Variants in RAD54L2 observed in about 807,000 individuals in gnomAD.
RAD54L2 encodes RAD54 like 2.
A neutral mutation model predicts 138.4 loss-of-function variants in RAD54L2; 27 were observed. The ratio of observed to expected loss-of-function variants is 0.20; its 90% CI spans 0.14 to 0.27. The LOEUF is 0.27. Ranked by LOEUF, RAD54L2 falls within the 10% of genes least tolerant of loss-of-function variation. RAD54L2 has a pLI of 1.00. For synonymous variants in RAD54L2, 644 were observed against 723.2 expected (o/e 0.89, Z 1.76); for missense variants, 1,396 against 1,890.2 (o/e 0.74, Z 4.85).
intron 2 of RAD54L2, among the ~76,000 whole-genome samples, chr3:51,556,584 CT>C (rs11421076): frequency 2.3e-4 from 34 of 149,926 alleles, no homozygotes; most frequent in Middle Eastern, 3.4e-3. Context: ...ATCTATCTCT[CT>C]TTTTTTTTGA....
chr3:51,573,519 C>T (rs1184804627), intron 2 of RAD54L2, among the ~76,000 whole-genome samples: 2 of 152,042 alleles, frequency 1.3e-5, no homozygotes, highest in African/African-American at 2.4e-5. Context: ...TCACTGCAAC[C>T]TCCACCTCCT....
intron 2 of RAD54L2, among the ~76,000 whole-genome samples, chr3:51,546,244 C>T (rs995465506): frequency 6.6e-6 from 1 of 151,518 alleles, no homozygotes; most frequent in East Asian, 1.9e-4. Context: ...TGGCCAAATG[C>T]AATTATTCTT....
intron 3 of RAD54L2, among the ~76,000 whole-genome samples, chr3:51,613,954 G>C (rs1700389437): frequency 6.6e-6 from 1 of 152,112 alleles, no homozygotes; most frequent in Non-Finnish European, 1.5e-5. Context: ...GGAATCGAGT[G>C]GATAGAGGTC....
In RAD54L2 at chr3:51,641,814, C is replaced by T. The variant is rs780709945; in HGVS notation, c.2297C>T (p.Pro766Leu). ...FLGKREVPCP[P>L]GTEGQGAQKW... ...GGAAAACGAGAAGTACCCTGTCCACCTGGTACCGAGGGGCAAGGAGCACAG... is the reference window on the plus strand; with the variant it reads ...GGAAAACGAGAAGTACCCTGTCCACTTGGTACCGAGGGGCAAGGAGCACAG... Residue 766 changes from proline (P) to leucine (L), a missense_variant, in exon 15 of 23, where the codon CCT becomes CTT. By Grantham distance (98) the Pro-to-Leu change is moderately conservative. Transcript: ENST00000684192. The T allele has an allele frequency of 6.2e-7, 1 of 1,600,252 alleles. No individual in the cohort carries two copies. Among genetic ancestry groups the T allele is most frequent in the Non-Finnish European group, 8.5e-7 (1 of 1,173,150 alleles).
intron 3 of RAD54L2, chr3:51,611,565 T>C (rs1441814034): frequency 1.3e-5 from 2 of 151,950 alleles, no homozygotes; most frequent in Non-Finnish European, 2.9e-5. Flanking sequence ...TTCTTTCTTT[T>C]TTTTTTTTTG....
chr3:51,632,518 C>G (rs1334164339), intron 7 of RAD54L2, among the ~76,000 whole-genome samples: 1 of 147,152 alleles, frequency 6.8e-6, no homozygotes, highest in East Asian at 2.3e-4. Flanking sequence ...TGGTCTTGAA[C>G]TCCCAACCTC....
intron 2 of RAD54L2, among the ~76,000 whole-genome samples, chr3:51,542,969 G>C (rs1465059594): frequency 6.6e-6 from 1 of 152,160 alleles, no homozygotes; most frequent in Non-Finnish European, 1.5e-5. Context: ...TATGGCCCCT[G>C]ATCAGGACAT....
At chr3:51,598,855 A>G (rs1174137822) in intron 3 of RAD54L2, among the ~76,000 whole-genome samples, 2 of 152,084 alleles carry the variant, frequency 1.3e-5, no homozygotes, top group African/African-American at 4.8e-5. Context: ...AGGGTATGGA[A>G]GCTCTGCACC....
At chr3:51,659,952 C>A in intron 21 of RAD54L2, 74 bp from the exon 22 acceptor site, 1 of 1,152,316 alleles carries the variant, frequency 8.7e-7, no homozygotes, top group Non-Finnish European at 1.3e-6. Context: ...GCCCACGGCG[C>A]ACAGCCTGGA....
At chr3:51,597,022 G>A (rs1320344512) in intron 3 of RAD54L2, among the ~76,000 whole-genome samples, 3 of 151,936 alleles carry the variant, frequency 2.0e-5, no homozygotes, top group Admixed American at 6.6e-5. Flanking sequence ...AAAATTAGCC[G>A]GGCGTGGTGG....
chr3:51,643,444 T>C (rs1701193763), intron 15 of RAD54L2, among the ~76,000 whole-genome samples: 2 of 152,238 alleles, frequency 1.3e-5, no homozygotes. Flanking sequence ...GTTCTTAGCT[T>C]CAGGAGCTGG....
intron 3 of RAD54L2, among the ~76,000 whole-genome samples, chr3:51,592,428 G>A (rs554855620): frequency 2.5e-4 from 38 of 151,850 alleles, no homozygotes; most frequent in Non-Finnish European, 4.1e-4. Flanking sequence ...ATAAACAAAC[G>A]TTCCATTAGG....
chr3:51,551,913 C>G (rs929617648), intron 2 of RAD54L2, among the ~76,000 whole-genome samples: 1 of 151,760 alleles, frequency 6.6e-6, no homozygotes, highest in African/African-American at 2.4e-5. Context: ...CCACCATGCC[C>G]GGCTAATTTT....
chr3:51,658,260 G>T (rs897314421), intron 21 of RAD54L2, among the ~76,000 whole-genome samples: 1 of 152,116 alleles, frequency 6.6e-6, no homozygotes, highest in African/African-American at 2.4e-5. Context: ...AGAATCTTGG[G>T]ATGGGACAAG....
rs1273434086 is a variant in RAD54L2 at position 51,668,598 on chromosome 3, G to A, written c.*5178G>A. The A allele has an allele frequency of 6.6e-6, 1 of 152,206 alleles. No homozygotes were observed. 9.4% of individuals were successfully genotyped at this position (152,206 alleles called of 1,614,324 possible). On this transcript the variant is annotated 3_prime_UTR_variant, in exon 23 of 23. Coordinates refer to ENST00000684192, the MANE Select transcript of RAD54L2 (RefSeq NM_015106.4). ...AAAAAAGCAAACAGAACAATTGTAA[G>A]TCAGTATAACTGCCTATCAGTTTTC... is the stretch of plus-strand genomic sequence containing the variant.
At chr3:51,650,467 A>C (rs1701402196) in intron 19 of RAD54L2, among the ~76,000 whole-genome samples, 1 of 152,216 alleles carries the variant, frequency 6.6e-6, no homozygotes, top group Admixed American at 6.5e-5. Context: ...CTCCACCCCA[A>C]ATCAATAGAA....
intron 2 of RAD54L2, among the ~76,000 whole-genome samples, chr3:51,559,065 G>A (rs1699040014): frequency 6.6e-6 from 1 of 151,580 alleles, no homozygotes; most frequent in Admixed American, 6.6e-5. Flanking sequence ...AGTAGAGAGG[G>A]GGTTTCACCA....
At chr3:51,608,188 G>A (rs1355083358) in intron 3 of RAD54L2, among the ~76,000 whole-genome samples, 2 of 151,658 alleles carry the variant, frequency 1.3e-5, no homozygotes, top group Admixed American at 6.6e-5. Context: ...GTTCCCACAC[G>A]GGGTCGCGGC....
intron 3 of RAD54L2, among the ~76,000 whole-genome samples, chr3:51,602,404 G>C (rs1700099136): frequency 6.6e-6 from 1 of 152,182 alleles, no homozygotes; most frequent in Non-Finnish European, 1.5e-5. Context: ...TTATTCATCT[G>C]TCTGTGAATC....
Sources: allele counts gnomAD v4.1 joint callset (sites outside exome capture counted in the v4.1 genomes callset), GRCh38; gene constraint gnomAD v4.1.1; transcripts MANE v1.5; gene names NCBI Gene and HGNC (gene_info 2026-07-23, HGNC 2026-07-21).